The following DNAH3 variants were observed in gnomAD, a reference collection of about 807,000 sequenced individuals.
The protein encoded by DNAH3 is dynein axonemal heavy chain 3, also known as axonemal beta dynein heavy chain 3.
Under a neutral mutation model 432.5 loss-of-function variants are expected in DNAH3, and 332 were observed. That is an observed-to-expected ratio of 0.77 (90% CI 0.70 to 0.84). DNAH3 has a LOEUF of 0.84. DNAH3 is among the 40% of genes least tolerant of loss of function. DNAH3 has a pLI of 0.00. For missense variants in DNAH3, 4,861 were observed against 5,114.0 expected (o/e 0.95, Z 1.51); for synonymous variants, 1,956 against 1,900.2 (o/e 1.03, Z -0.76).
At chr16:21,025,939 A>T (rs2088531196) in intron 38 of DNAH3, among the ~76,000 whole-genome samples, 1 of 151,950 alleles carries the variant, frequency 6.6e-6, no homozygotes, top group Non-Finnish European at 1.5e-5. Flanking sequence ...AGGTTTCACC[A>T]TGTTGGCCAG....
chr16:21,059,870 T>G (rs1243218997), intron 26 of DNAH3, among the ~76,000 whole-genome samples: 1 of 152,184 alleles, frequency 6.6e-6, no homozygotes, highest in Non-Finnish European at 1.5e-5. Flanking sequence ...TTCTTTTGTC[T>G]TAAGCCTTAC....
chr16:21,121,812 T>C (rs1047968340), intron 10 of DNAH3, 133 bp downstream of exon 11: 6 of 648,650 alleles, frequency 9.2e-6, no homozygotes, highest in Non-Finnish European at 1.5e-5. Flanking sequence ...AGGGGTTATA[T>C]TCAGGATATA....
intron 57 of DNAH3, 59 bp from the exon 58 acceptor site, chr16:20,944,722 C>T: frequency 6.4e-7 from 1 of 1,560,688 alleles, no homozygotes; most frequent in Non-Finnish European, 8.8e-7. Flanking sequence ...ACAGATGACT[C>T]CAGGCTTAGC....
At chr16:21,085,096 T>C (rs549192344) in intron 19 of DNAH3, among the ~76,000 whole-genome samples, 1 of 151,818 alleles carries the variant, frequency 6.6e-6, no homozygotes, top group South Asian at 2.1e-4. Context: ...CCAGAAGTCA[T>C]GGCCAGGCAC....
In DNAH3 at chr16:20,956,089, G is replaced by A. The variant is rs369757631; in HGVS notation, c.10827-1032C>T. 1.2e-3 allele frequency among the ~76,000 whole-genome samples: 183 copies of A among 151,784 alleles called. 6 individuals are homozygous for A. The South Asian group carries it at 0.036, about 30-fold the overall frequency. ...ACTACAGGTGCCCGCCACTATGCCCGGCTAATTTTTGTATTTTTAGTAGAG... is the reference window on the plus strand; with the variant it reads ...ACTACAGGTGCCCGCCACTATGCCCAGCTAATTTTTGTATTTTTAGTAGAG... On this transcript the variant is annotated intron_variant, in intron 54 of 61. Transcript: ENST00000261383.
At chr16:20,982,558 A>G (rs530112106) in intron 49 of DNAH3, among the ~76,000 whole-genome samples, 163 bp downstream of exon 49, 2 of 152,336 alleles carry the variant, frequency 1.3e-5, no homozygotes, top group South Asian at 2.1e-4. Context: ...TTTTACAGAC[A>G]AGATGCTTTA....
rs764491300 is a variant in DNAH3, at chr16:20,987,554, A to G, written c.6883-106T>C. On this transcript the variant is annotated intron_variant, in intron 46 of 61. Transcript: ENST00000261383. The stretch of plus-strand genomic sequence containing the variant: ...GGTTGATTTGAGGATTGAACTAGAT[A>G]ATGTTTATAAAATGCTTAGCACAAT... 8 of 1,540,814 alleles carry G rather than the reference A, an allele frequency of 5.2e-6. No individual in the cohort carries two copies. In the East Asian group the frequency reaches 1.6e-4, roughly 31 times the overall value.
intron 36 of DNAH3, among the ~76,000 whole-genome samples, 195 bp from the exon 37 acceptor site, chr16:21,031,481 A>G (rs887039185): frequency 6.6e-6 from 1 of 152,066 alleles, no homozygotes; most frequent in African/African-American, 2.4e-5. Flanking sequence ...TCACACCCAT[A>G]ATCCCAATAC....
intron 3 of DNAH3, among the ~76,000 whole-genome samples, chr16:21,142,799 G>A (rs1003056815): frequency 5.3e-5 from 8 of 151,890 alleles, no homozygotes; most frequent in Non-Finnish European, 8.8e-5. Flanking sequence ...GAGTACAGGC[G>A]CATGCCACCA....
At position 21,125,245 on chromosome 16, in the gene DNAH3, A is replaced by G. The variant is rs375465758; in HGVS notation, c.1334T>C (p.Met445Thr). The G allele has an allele frequency of 6.8e-6, 11 of 1,613,866 alleles. No individual in the cohort carries two copies. In the African/African-American group the frequency reaches 1.1e-4, roughly 16 times the overall value. ...GACCAGCTCCCTAAGCTGCAGCGACATGAATGATGCCACAGAAGCAAAATA... is the reference window on the plus strand; with the variant it reads ...GACCAGCTCCCTAAGCTGCAGCGACGTGAATGATGCCACAGAAGCAAAATA... Residue 445 changes from methionine to threonine, a missense_variant, in exon 9 of 62, where the codon ATG (methionine) becomes ACG (threonine). Transcript: ENST00000261383.
intron 24 of DNAH3, among the ~76,000 whole-genome samples, chr16:21,064,902 T>TGTGTGTGTG (rs2090491194): frequency 1.4e-5 from 2 of 146,532 alleles, no homozygotes; most frequent in African/African-American, 5.0e-5. Context: ...TGTGTGTGTG[T>TGTGTGTGTG]TTAACTTAGG....
intron 56 of DNAH3, among the ~76,000 whole-genome samples, chr16:20,951,800 G>A (rs2084327834): frequency 6.9e-6 from 1 of 145,824 alleles, no homozygotes; most frequent in African/African-American, 2.6e-5. Flanking sequence ...GAATGCAGTG[G>A]CGCAATTTCA....
chr16:20,984,029 G>GAAAAAAGAAAAAAAAAAAAAAAAAAAAA (rs2086051499), intron 48 of DNAH3, among the ~76,000 whole-genome samples: 2 of 112,140 alleles, frequency 1.8e-5, no homozygotes, highest in African/African-American at 6.9e-5. Flanking sequence ...CCTATATCCA[G>GAAAAAAGAAAAAAAAAAAAAAAAAAAAA]AAAAAAAAAA....
chr16:20,957,570 T>C (rs936738432), intron 54 of DNAH3, among the ~76,000 whole-genome samples: 2 of 152,002 alleles, frequency 1.3e-5, no homozygotes, highest in South Asian at 2.1e-4. Context: ...CCCAGCACTT[T>C]GGGAGGCTGA....
At chr16:21,067,770 G>GGGGGAGGGAGGGA (rs1567732533) in intron 23 of DNAH3, among the ~76,000 whole-genome samples, 2 of 20,594 alleles carry the variant, frequency 9.7e-5, no homozygotes, top group African/African-American at 3.4e-4. Flanking sequence ...GGGGGGGGGT[G>GGGGGAGGGAGGGA]GGGAGGGAGA....
At chr16:21,137,005 A>G (rs1462460116) in intron 5 of DNAH3, among the ~76,000 whole-genome samples, 17 of 152,034 alleles carry the variant, frequency 1.1e-4, no homozygotes, top group Non-Finnish European at 1.5e-5. Context: ...GTGGTGGCGC[A>G]CACCTGTAGT....
At chr16:20,970,664 C>T (rs186080792) in intron 51 of DNAH3, among the ~76,000 whole-genome samples, 2 of 152,268 alleles carry the variant, frequency 1.3e-5, no homozygotes, top group Admixed American at 1.3e-4. Context: ...GTATGGAGTT[C>T]AGTGCAGTGT....
intron 38 of DNAH3, among the ~76,000 whole-genome samples, chr16:21,026,195 T>A (rs1361306223): frequency 1.3e-5 from 2 of 152,092 alleles, no homozygotes; most frequent in Non-Finnish European, 2.9e-5. Flanking sequence ...CATACGGAGA[T>A]TCAACTTTAG....
intron 1 of DNAH3, among the ~76,000 whole-genome samples, chr16:21,155,265 C>T (rs1291570354): frequency 1.3e-5 from 2 of 151,950 alleles, no homozygotes; most frequent in Admixed American, 6.6e-5. Flanking sequence ...CTCAATTGGG[C>T]TGCCAGACAA....
Sources: allele counts gnomAD v4.1 joint callset (sites outside exome capture counted in the v4.1 genomes callset), GRCh38; gene constraint gnomAD v4.1.1; transcripts MANE v1.5; gene names NCBI Gene and HGNC (gene_info 2026-07-23, HGNC 2026-07-21).